The following RANBP2 variants were observed in gnomAD, a reference collection of about 807,000 sequenced individuals.
The protein encoded by RANBP2 is E3 SUMO-protein ligase RanBP2.
A neutral mutation model predicts 303.6 loss-of-function variants in RANBP2; 57 were observed. That is an observed-to-expected ratio of 0.19 (90% CI 0.15 to 0.23). The LOEUF is 0.23. RANBP2 is among the 10% of genes least tolerant of loss of function. RANBP2 has a pLI of 1.00. For missense variants in RANBP2, 3,138 were observed against 3,780.8 expected, an observed-to-expected ratio of 0.83 and a Z score of 4.46; for synonymous variants, 1,167 against 1,301.5, an observed-to-expected ratio of 0.90 and a Z score of 2.23.
chr2:109,191,870 C>G, the RANBP2 span, among the ~76,000 whole-genome samples: 11 of 152,154 alleles, frequency 7.2e-5, no homozygotes, highest in African/African-American at 2.7e-4. Context: ...CTGAGACCAG[C>G]ATTTTTGAAA....
chr2:109,659,028 G>A, the RANBP2 span, among the ~76,000 whole-genome samples: 3 of 152,014 alleles, frequency 2.0e-5, no homozygotes, highest in Non-Finnish European at 4.4e-5. Flanking sequence ...TCACGCCATT[G>A]CACTCCAGCC....
At chr2:108,814,842 G>C in the RANBP2 span, among the ~76,000 whole-genome samples, 1 of 151,640 alleles carries the variant, frequency 6.6e-6, no homozygotes, top group Non-Finnish European at 1.5e-5. Flanking sequence ...CACCATGTTG[G>C]CTAGGCTGGT....
At chr2:109,264,462 C>T in the RANBP2 span, among the ~76,000 whole-genome samples, 1 of 152,288 alleles carries the variant, frequency 6.6e-6, no homozygotes, top group Non-Finnish European at 1.5e-5. Context: ...CCCCATCTAC[C>T]TCCCTATATG....
the RANBP2 span, among the ~76,000 whole-genome samples, chr2:108,901,636 G>GA: frequency 3.9e-5 from 6 of 152,080 alleles, no homozygotes; most frequent in African/African-American, 1.4e-4. Context: ...ACACACCATA[G>GA]ATATCAAACA....
the RANBP2 span, among the ~76,000 whole-genome samples, chr2:109,140,310 A>G: frequency 1.3e-5 from 2 of 152,072 alleles, no homozygotes; most frequent in Non-Finnish European, 2.9e-5. Flanking sequence ...TTCTTTGTGA[A>G]TCATAAATCT....
chr2:108,742,684 A>G (rs1452217356), intron 7 of RANBP2, among the ~76,000 whole-genome samples: 2 of 152,238 alleles, frequency 1.3e-5, no homozygotes, highest in Non-Finnish European at 2.9e-5. Context: ...TTCTGTGTTC[A>G]TAAGGAATTG....
the RANBP2 span, among the ~76,000 whole-genome samples, chr2:109,427,182 T>G: frequency 6.6e-6 from 1 of 152,122 alleles, no homozygotes; most frequent in South Asian, 2.1e-4. Flanking sequence ...TTGTCCCAGC[T>G]GGTCTCAAAC....
chr2:109,659,714 G>A, the RANBP2 span, among the ~76,000 whole-genome samples: 1 of 152,224 alleles, frequency 6.6e-6, no homozygotes, highest in East Asian at 1.9e-4. Context: ...TCCAGATGAG[G>A]TATGGACTCT....
At chr2:109,487,314 C>G in the RANBP2 span, among the ~76,000 whole-genome samples, 2 of 152,208 alleles carry the variant, frequency 1.3e-5, no homozygotes, top group Non-Finnish European at 2.9e-5. Flanking sequence ...ATTGGCTATT[C>G]TTTCCTGCCT....
chr2:109,250,150 C>G, the RANBP2 span, among the ~76,000 whole-genome samples: 2 of 134,800 alleles, frequency 1.5e-5, no homozygotes, highest in African/African-American at 2.9e-5. Context: ...AGGTTTTTCT[C>G]TGTCTTTAAG....
At chr2:109,079,280 T>A in the RANBP2 span, among the ~76,000 whole-genome samples, 464 of 152,262 alleles carry the variant, frequency 3.0e-3, 2 homozygotes, top group African/African-American at 0.011. Context: ...TATTTTCTTT[T>A]CCCTAACTTA....
the RANBP2 span, among the ~76,000 whole-genome samples, chr2:108,891,879 G>C: frequency 2.0e-5 from 3 of 152,274 alleles, no homozygotes; most frequent in African/African-American, 7.2e-5. Context: ...TGATGTGATG[G>C]TGGCTGGGAG....
chr2:108,786,548 C>T, downstream of RANBP2, among the ~76,000 whole-genome samples: 1 of 152,018 alleles, frequency 6.6e-6, no homozygotes, highest in Non-Finnish European at 1.5e-5. Context: ...CCTCGGTGCC[C>T]CTCAACCCGT....
the RANBP2 span, among the ~76,000 whole-genome samples, chr2:108,799,421 C>T: frequency 3.3e-5 from 5 of 152,150 alleles, no homozygotes; most frequent in Admixed American, 6.5e-5. Context: ...TAGTTCAGCT[C>T]GCCAGCAGTT....
At chr2:108,895,554 TTTTA>T in the RANBP2 span, 4 of 152,336 alleles carry the variant, frequency 2.6e-5, no homozygotes, top group African/African-American at 9.6e-5. Context: ...GTTTTTCTGT[TTTTA>T]TTCCCATTTA....
Position 108,764,922 on chromosome 2 carries a change from G to T in RANBP2, c.4383G>T (p.Gln1461His). Residue 1461 changes from glutamine (Q) to histidine (H), a missense_variant, in exon 20 of 29, where the codon CAG (glutamine) becomes CAT (histidine). Transcript: ENST00000283195. ...FVHQASFKFG[Q>H]GDLPKPINSD... The stretch of plus-strand genomic sequence containing the variant: ...ATCAAGCTTCATTTAAATTTGGCCA[G>T]GGAGATCTTCCTAAACCTATTAACA... 2 of 1,613,994 alleles carry T rather than the reference G, an allele frequency of 1.2e-6. No individual in the cohort carries two copies. Among genetic ancestry groups the T allele is most frequent in the African/African-American group, 1.3e-5 (1 of 75,010 alleles).
chr2:109,601,304 T>C, the RANBP2 span, among the ~76,000 whole-genome samples: 1 of 152,170 alleles, frequency 6.6e-6, no homozygotes, highest in African/African-American at 2.4e-5. Context: ...AGACATCACT[T>C]TGGAAGTTTT....
the RANBP2 span, among the ~76,000 whole-genome samples, chr2:108,996,743 G>T: frequency 8.5e-5 from 13 of 152,146 alleles, no homozygotes; most frequent in African/African-American, 2.9e-4. Context: ...TGAAGTCTCG[G>T]TGGCATAATA....
At chr2:109,399,002 T>A in the RANBP2 span, 1 of 1,502,430 alleles carries the variant, frequency 6.7e-7, no homozygotes, top group East Asian at 2.4e-5. Context: ...TATCCTCAGC[T>A]CCGTGTTCAG....
Sources: allele counts gnomAD v4.1 joint callset (sites outside exome capture counted in the v4.1 genomes callset), GRCh38; gene constraint gnomAD v4.1.1; transcripts MANE v1.5; gene names NCBI Gene and HGNC (gene_info 2026-07-23, HGNC 2026-07-21).